BAHCC1: variants seen among roughly 807,000 people sequenced by gnomAD.
The protein encoded by BAHCC1 is BAH domain and coiled-coil containing 1, also known as BAH and coiled-coil domain-containing protein 1.
A neutral mutation model predicts 88.2 loss-of-function variants in BAHCC1; 43 were observed. That is an observed-to-expected ratio of 0.49 (90% CI 0.38 to 0.63). BAHCC1 has a LOEUF of 0.63. Among genes scored for constraint, BAHCC1 ranks in the 20% least tolerant of loss-of-function variants. The pLI, the probability that BAHCC1 is intolerant of heterozygous loss-of-function variation, is 0.00. For missense variants in BAHCC1, 3,023 were observed against 1,654.8 expected (o/e 1.83, Z -14.34); for synonymous variants, 1,510 against 745.5 (o/e 2.03, Z -16.71).
chr17:81,423,277 G>T (rs1240757556), intron 2 of BAHCC1, among the ~76,000 whole-genome samples: 1 of 152,224 alleles, frequency 6.6e-6, no homozygotes, highest in African/African-American at 2.4e-5. Flanking sequence ...AGGGGAAGGG[G>T]CCTTGGGGGC....
rs549081050 is a variant in BAHCC1, at chr17:81,463,907, G to C, written c.*90G>C. On this transcript the variant is annotated 3_prime_UTR_variant, in exon 28 of 28. Coordinates refer to ENST00000675386, the MANE Select transcript of BAHCC1 (RefSeq NM_001377448.1). ...AAGCCACCGGGCAGGAGGCAGCCCC[G>C]GCCTCCCAAGGGCGCATCTGAGCAA... The C allele has an allele frequency of 4.4e-6, 3 of 680,344 alleles. No individual in the cohort carries two copies. Among genetic ancestry groups the C allele is most frequent in the Non-Finnish European group, 8.1e-6 (3 of 371,948 alleles). The allele number at this position is 680,344 out of a possible 1,614,324, so 42.1% of individuals were successfully genotyped here. A position where few individuals can be genotyped will look rare whatever the true frequency, so the allele number is the denominator to read the frequency against.
At chr17:81,400,285 CA>C (rs2063798236) in intron 2 of BAHCC1, among the ~76,000 whole-genome samples, 1 of 152,244 alleles carries the variant, frequency 6.6e-6, no homozygotes, top group Admixed American at 6.5e-5. Flanking sequence ...GGGGCTGGGA[CA>C]ACGAGGCGCT....
intron 2 of BAHCC1, among the ~76,000 whole-genome samples, chr17:81,419,368 C>T (rs571237710): frequency 2.0e-5 from 3 of 152,370 alleles, no homozygotes; most frequent in East Asian, 1.9e-4. Context: ...CTGTGCAGGG[C>T]GGCTTCCTCC....
In BAHCC1 at chr17:81,456,389, C is replaced by A. The variant is rs1555657276; in HGVS notation, c.4662C>A (p.Ser1554Arg). The change falls in exon 16 of 28, where the codon AGC (serine) becomes AGA (arginine). Residue 1554 changes from serine (S) to arginine (R), a missense_variant. By Grantham distance (110) the Ser-to-Arg change is moderately radical. Coordinates refer to ENST00000675386, the MANE Select transcript of BAHCC1 (RefSeq NM_001377448.1). The part of the protein sequence containing the change: ...RVAQLKPKVK[S>R]KGLPTGLSSF... The stretch of plus-strand genomic sequence containing the variant: ...CCCAGCTGAAACCCAAGGTCAAGAG[C>A]AAAGGGCTGCCCACAGGCCTCAGCT... 1.4e-6 allele frequency: 1 copy of A among 723,406 alleles called. No individual in the cohort carries two copies. The highest frequency in any genetic ancestry group is 2.0e-5 in the Admixed American group (1 of 50,854). The allele number at this position is 723,406 out of a possible 1,614,324, so 44.8% of individuals were successfully genotyped here.
intron 27 of BAHCC1, 78 bp from the exon 28 acceptor site, chr17:81,463,533 G>GGC: frequency 1.3e-6 from 1 of 756,108 alleles, no homozygotes; most frequent in Non-Finnish European, 2.4e-6. Flanking sequence ...AGCATGGGTG[G>GGC]GCGGGTGGTC....
In BAHCC1 at chr17:81,433,199, G is replaced by A. The variant is rs370379291; in HGVS notation, c.359-5171G>A. On this transcript the variant is annotated intron_variant, in intron 3 of 27. Transcript: ENST00000675386. ...GATTGGGCACTCCAGCTCCAAGAACGAATCTCTTGCTGTGCCGCCCCGCAA... is the reference window on the plus strand; with the variant it reads ...GATTGGGCACTCCAGCTCCAAGAACAAATCTCTTGCTGTGCCGCCCCGCAA... Among the ~76,000 whole-genome samples, 61 of 152,006 alleles carry A rather than the reference G, an allele frequency of 4.0e-4. 1 individual carries two copies. The Middle Eastern group carries it at 0.014, about 34-fold the overall frequency.
chr17:81,452,696 T>G, intron 13 of BAHCC1, 27 bp from the exon 14 acceptor site: 1 of 737,324 alleles, frequency 1.4e-6, no homozygotes, highest in Non-Finnish European at 2.5e-6. Flanking sequence ...TGCATGAGCC[T>G]CTGACCATCC....
chr17:81,406,279 C>T (rs1194832999), intron 2 of BAHCC1, among the ~76,000 whole-genome samples: 1 of 152,222 alleles, frequency 6.6e-6, no homozygotes, highest in East Asian at 1.9e-4. Context: ...GTGTCCCCCA[C>T]CTCGCAGACG....
At chr17:81,406,912 G>A (rs1555647004) in intron 2 of BAHCC1, 1 of 456,340 alleles carries the variant, frequency 2.2e-6, no homozygotes, top group Non-Finnish European at 4.4e-6. Context: ...CACACGATTA[G>A]GTTCCCGATC....
Position 81,445,690 on chromosome 17 carries a change from AG to A in BAHCC1, c.3163+10del. 2.8e-6 allele frequency: 2 copies of A among 722,964 alleles called. No individual in the cohort carries two copies. The highest frequency in any genetic ancestry group is 3.9e-5 in the Admixed American group (2 of 50,736). The allele number at this position is 722,964 out of a possible 1,614,324, so 44.8% of individuals were successfully genotyped here. A position where few individuals can be genotyped will look rare whatever the true frequency, so the allele number is the denominator to read the frequency against. The stretch of plus-strand genomic sequence containing the variant: ...CATCACATCCGAACCAGGTGAGAGT[AG>A]CCGCCTGGCCCGGCCCACTGTGCTC... On this transcript the variant is annotated intron_variant, in intron 10 of 27. Coordinates refer to ENST00000675386, the MANE Select transcript of BAHCC1 (RefSeq NM_001377448.1).
intron 11 of BAHCC1, among the ~76,000 whole-genome samples, chr17:81,450,503 G>A (rs2064612834): frequency 6.6e-6 from 1 of 152,124 alleles, no homozygotes; most frequent in African/African-American, 2.4e-5. Flanking sequence ...TAGCTCCCCT[G>A]TCCCTGCCCC....
At position 81,443,124 on chromosome 17, in the gene BAHCC1, C is replaced by T. The variant is rs781859915; in HGVS notation, c.1775C>T (p.Thr592Ile). Residue 592 changes from threonine (T) to isoleucine (I), a missense_variant, in exon 5 of 28, where the codon ACC becomes ATC. Physicochemically the swap from Thr to Ile is moderately conservative, Grantham distance 89. Coordinates refer to ENST00000675386, the MANE Select transcript of BAHCC1 (RefSeq NM_001377448.1). ...TGGGGTGTCCAGGCAGGCCAGGGCA[C>T]CGCCATGGCCATCAGCGAGGAGCGC... ...PPWGVQAGQG[T>I]AMAISEERKA... The T allele has an allele frequency of 1.3e-5, 10 of 777,678 alleles. No homozygotes were observed. The highest frequency in any genetic ancestry group is 2.4e-5 in the Non-Finnish European group (10 of 417,070). The allele number at this position is 777,678 out of a possible 1,614,324, so 48.2% of individuals were successfully genotyped here.
chr17:81,453,165 C>T (rs1383987274), intron 14 of BAHCC1, among the ~76,000 whole-genome samples: 1 of 152,224 alleles, frequency 6.6e-6, no homozygotes, highest in African/African-American at 2.4e-5. Flanking sequence ...GCCCGGCCCC[C>T]CTGGAGTGTG....
chr17:81,422,265 C>G (rs1237867500), intron 2 of BAHCC1, among the ~76,000 whole-genome samples: 1 of 152,244 alleles, frequency 6.6e-6, no homozygotes, highest in South Asian at 2.1e-4. Flanking sequence ...ACCACCTTGG[C>G]CTCCCAAAGT....
chr17:81,414,406 G>A (rs1555648297), intron 2 of BAHCC1, among the ~76,000 whole-genome samples: 1 of 152,164 alleles, frequency 6.6e-6, no homozygotes, highest in African/African-American at 2.4e-5. Flanking sequence ...GGCGGAGCTC[G>A]GGCTGTGGGG....
Position 81,455,340 on chromosome 17 carries a change from C to G in BAHCC1, c.4519C>G (p.Arg1507Gly), listed in dbSNP as rs781940388. 8.4e-6 allele frequency: 6 copies of G among 716,980 alleles called. No individual in the cohort carries two copies. Among genetic ancestry groups the G allele is most frequent in the Non-Finnish European group, 1.6e-5 (6 of 385,106 alleles). The allele number at this position is 716,980 out of a possible 1,614,324, so 44.4% of individuals were successfully genotyped here. A position where few individuals can be genotyped will look rare whatever the true frequency, so the allele number is the denominator to read the frequency against. Residue 1507 changes from arginine (R) to glycine (G), a missense_variant, in exon 15 of 28, where the codon CGA becomes GGA. Coordinates refer to ENST00000675386, the MANE Select transcript of BAHCC1 (RefSeq NM_001377448.1). ...CAGTGGGGGCGAGCCTGCGAAGAAG[C>G]GAAGCAAGCTGGAGAGGAGCGTCTA... ...GGSGGEPAKK[R>G]SKLERSVYAG...
Position 81,442,579 on chromosome 17 carries a change from C to T in BAHCC1, c.1230C>T (p.Ala410=), listed in dbSNP as rs782782608. Residue 410 remains alanine, a synonymous_variant, in exon 5 of 28, where the codon GCC becomes GCT. Transcript: ENST00000675386. ...HLADKGRPFQ[A]AEACAVAGEG... is the part of the protein sequence containing the mutation. ...CCGACAAGGGCCGCCCCTTCCAGGCCGCCGAGGCCTGTGCCGTGGCAGGGG... is the reference window on the plus strand; with the variant it reads ...CCGACAAGGGCCGCCCCTTCCAGGCTGCCGAGGCCTGTGCCGTGGCAGGGG... 1.2e-5 allele frequency: 9 copies of T among 762,558 alleles called. No homozygotes were observed. The highest frequency in any genetic ancestry group is 2.3e-4 in the Middle Eastern group (1 of 4,280). The allele number at this position is 762,558 out of a possible 1,614,324, so 47.2% of individuals were successfully genotyped here.
intron 2 of BAHCC1, among the ~76,000 whole-genome samples, chr17:81,416,716 C>T (rs781825120): frequency 6.6e-6 from 1 of 152,220 alleles, no homozygotes; most frequent in Admixed American, 6.5e-5. Context: ...CCCGAGCCTG[C>T]ACCTGCCTCC....
intron 16 of BAHCC1, 26 bp from the exon 17 acceptor site, chr17:81,457,384 T>G: frequency 1.3e-6 from 1 of 753,978 alleles, no homozygotes; most frequent in Non-Finnish European, 2.5e-6. Context: ...CATCAAGTCA[T>G]CAGGACCCCT....
Sources: allele counts gnomAD v4.1 joint callset (sites outside exome capture counted in the v4.1 genomes callset), GRCh38; gene constraint gnomAD v4.1.1; transcripts MANE v1.5; gene names NCBI Gene and HGNC (gene_info 2026-07-23, HGNC 2026-07-21).